The following LOC400499 variants were observed in gnomAD, a reference collection of about 807,000 sequenced individuals.
At chr16:11,384,889 G>A in the LOC400499 span, 70 of 1,232,138 alleles carry the variant, frequency 5.7e-5, no homozygotes, top group Middle Eastern at 3.1e-4. Context: ...CAGACCCACC[G>A]TGCTGCCAGA....
the LOC400499 span, among the ~76,000 whole-genome samples, chr16:11,522,797 T>G: frequency 6.6e-6 from 1 of 152,158 alleles, no homozygotes; most frequent in South Asian, 2.1e-4. Flanking sequence ...ATTCTGATCT[T>G]TATAGAAGAT....
At chr16:11,432,152 T>C in the LOC400499 span, among the ~76,000 whole-genome samples, 1 of 152,202 alleles carries the variant, frequency 6.6e-6, no homozygotes, top group Non-Finnish European at 1.5e-5. Flanking sequence ...CCTCAGCCCA[T>C]GCACACATCT....
chr16:11,410,361 G>A, the LOC400499 span, among the ~76,000 whole-genome samples: 1 of 152,208 alleles, frequency 6.6e-6, no homozygotes, highest in East Asian at 1.9e-4. Flanking sequence ...GGCTGGGGCA[G>A]GAGAATCGCT....
At chr16:11,523,415 C>T in the LOC400499 span, 5 of 398,782 alleles carry the variant, frequency 1.3e-5, no homozygotes, top group Non-Finnish European at 2.2e-5. Flanking sequence ...GAGAGAATCA[C>T]TCACCTGTGC....
At chr16:11,384,464 C>T in the LOC400499 span, 16 of 437,182 alleles carry the variant, frequency 3.7e-5, no homozygotes, top group African/African-American at 1.2e-4. Context: ...ACCTCCACCC[C>T]GGACTCCTGG....
chr16:11,507,062 A>G, the LOC400499 span, among the ~76,000 whole-genome samples: 1 of 152,168 alleles, frequency 6.6e-6, no homozygotes, highest in East Asian at 1.9e-4. Flanking sequence ...CCAGCGTCCA[A>G]AAGTGGAGAT....
the LOC400499 span, among the ~76,000 whole-genome samples, chr16:11,479,886 T>C: frequency 2.6e-5 from 4 of 152,320 alleles, no homozygotes; most frequent in Non-Finnish European, 5.9e-5. Context: ...TGTATCCCCC[T>C]GGTCTCTGGT....
At chr16:11,523,646 G>T in the LOC400499 span, 11 of 391,428 alleles carry the variant, frequency 2.8e-5, no homozygotes, top group Non-Finnish European at 5.0e-5. Context: ...GACTGGAAGT[G>T]ATTGCCCTAC....
chr16:11,386,801 C>T, the LOC400499 span, among the ~76,000 whole-genome samples: 3 of 152,228 alleles, frequency 2.0e-5, no homozygotes, highest in Admixed American at 6.5e-5. Context: ...CGCCTCTGAC[C>T]GGCGAGTCTG....
chr16:11,448,220 C>T, the LOC400499 span: 3 of 973,310 alleles, frequency 3.1e-6, no homozygotes, highest in Non-Finnish European at 2.9e-6. Context: ...AACTGAGCCA[C>T]AGCCTCCACC....
the LOC400499 span, chr16:11,398,535 G>T: frequency 8.1e-7 from 1 of 1,231,554 alleles, no homozygotes; most frequent in East Asian, 3.2e-5. Flanking sequence ...CTATGGGTCA[G>T]GGGCTCATCA....
the LOC400499 span, among the ~76,000 whole-genome samples, chr16:11,440,401 T>C: frequency 6.6e-6 from 1 of 152,200 alleles, no homozygotes; most frequent in African/African-American, 2.4e-5. Context: ...TCCTACATAA[T>C]TCTCCACTCT....
the LOC400499 span, among the ~76,000 whole-genome samples, chr16:11,427,617 T>A: frequency 2.6e-4 from 40 of 151,830 alleles, no homozygotes; most frequent in African/African-American, 6.8e-4. Context: ...CTAATTTTTT[T>A]AAAATTTTTG....
chr16:11,396,649 G>A, the LOC400499 span: 2 of 1,231,608 alleles, frequency 1.6e-6, no homozygotes, highest in African/African-American at 1.6e-5. Flanking sequence ...CCTGGCCCAG[G>A]GTGTGCTCCC....
the LOC400499 span, chr16:11,522,163 T>G: frequency 2.5e-6 from 1 of 398,798 alleles, no homozygotes; most frequent in South Asian, 1.3e-4. Flanking sequence ...TGCAGCCCTC[T>G]GGGATCCCAA....
chr16:11,396,152 G>C, the LOC400499 span, among the ~76,000 whole-genome samples: 30 of 152,230 alleles, frequency 2.0e-4, no homozygotes, highest in African/African-American at 6.5e-4. Flanking sequence ...ATGGGAGATA[G>C]GGCCAGTACA....
chr16:11,482,553 C>T, the LOC400499 span, among the ~76,000 whole-genome samples: 3 of 152,160 alleles, frequency 2.0e-5, no homozygotes, highest in Non-Finnish European at 4.4e-5. Context: ...AAAAGATACA[C>T]CACAGACTGG....
the LOC400499 span, chr16:11,459,917 G>T: frequency 6.8e-7 from 1 of 1,471,268 alleles, no homozygotes; most frequent in Non-Finnish European, 9.0e-7. Context: ...GATTGCTCAG[G>T]GCGGGCCCCG....
chr16:11,416,057 G>C, the LOC400499 span, among the ~76,000 whole-genome samples: 1 of 151,862 alleles, frequency 6.6e-6, no homozygotes, highest in African/African-American at 2.4e-5. Flanking sequence ...CCAGGTTCGA[G>C]TGATTCTTGT....
Sources: allele counts gnomAD v4.1 joint callset (sites outside exome capture counted in the v4.1 genomes callset), GRCh38; gene constraint gnomAD v4.1.1; transcripts MANE v1.5.